The following HEATR4 variants were observed in gnomAD, a reference collection of about 807,000 sequenced individuals.
The protein encoded by HEATR4 is HEAT repeat containing 4, also known as HEAT repeat-containing protein 4.
Under a neutral mutation model 108.8 loss-of-function variants are expected in HEATR4, and 95 were observed. That is an observed-to-expected ratio of 0.87 (90% CI 0.74 to 1.04). The LOEUF is 1.04. Ranked by LOEUF, HEATR4 falls within the 50% of genes least tolerant of loss-of-function variation. HEATR4 has a pLI of 0.00. For synonymous variants in HEATR4, 443 were observed against 459.4 expected, an observed-to-expected ratio of 0.96 and a Z score of 0.46; for missense variants, 1,152 against 1,253.8, an observed-to-expected ratio of 0.92 and a Z score of 1.23.
intron 2 of HEATR4, among the ~76,000 whole-genome samples, chr14:73,528,511 A>G (rs1410780040): frequency 1.3e-5 from 2 of 152,092 alleles, no homozygotes; most frequent in African/African-American, 4.8e-5. Flanking sequence ...AGAACAAAAT[A>G]TTACTAGGTC....
At chr14:73,612,806 G>C in the HEATR4 span, 1 of 1,415,664 alleles carries the variant, frequency 7.1e-7, no homozygotes, top group Non-Finnish European at 9.3e-7. Context: ...CCAGCCCATG[G>C]GGCTGCTGTG....
At chr14:73,569,622 C>G in the HEATR4 span, 3 of 1,600,932 alleles carry the variant, frequency 1.9e-6, no homozygotes, top group African/African-American at 1.3e-5. Context: ...GGAGCGCGCG[C>G]CCGCGCTGGG....
the HEATR4 span, among the ~76,000 whole-genome samples, chr14:73,568,892 C>T: frequency 6.6e-6 from 1 of 151,898 alleles, no homozygotes; most frequent in African/African-American, 2.4e-5. Context: ...AAAGAAAAGC[C>T]CTAAGATTAG....
chr14:73,487,753 AAG>A (rs1885507182), intron 17 of HEATR4, among the ~76,000 whole-genome samples: 1 of 152,312 alleles, frequency 6.6e-6, no homozygotes, highest in South Asian at 2.1e-4. Context: ...ATTCATGTGA[AAG>A]AGTCAAAATT....
At position 73,542,393 on chromosome 14, in the gene HEATR4, T is replaced by C. The variant is rs1424030832; in HGVS notation, c.-151-12149A>G. 2.8e-5 allele frequency among the ~76,000 whole-genome samples: 3 copies of C among 106,794 alleles called. 1 individual carries two copies. Among genetic ancestry groups the C allele is most frequent in the African/African-American group, 6.6e-5 (2 of 30,532 alleles). 70.1% of individuals were successfully genotyped at this position (106,794 alleles called of 152,430 possible). On this transcript the variant is annotated intron_variant, in intron 1 of 17. Coordinates refer to ENST00000553558, the MANE Select transcript of HEATR4 (RefSeq NM_001220484.1). Reference sequence around the variant, plus strand: ...TTATGCAATTTTAAATTCCAGTATGTTTTTTCTTTCTTTTTTTTTTTTTTT... The same window carrying C: ...TTATGCAATTTTAAATTCCAGTATGCTTTTTCTTTCTTTTTTTTTTTTTTT...
the HEATR4 span, among the ~76,000 whole-genome samples, chr14:73,632,843 C>CAAAAA: frequency 2.7e-5 from 3 of 109,118 alleles, no homozygotes; most frequent in African/African-American, 1.1e-4. Context: ...GACCCTGTCT[C>CAAAAA]AAAAAAAAAA....
chr14:73,536,516 TAAAAAAAAAAAAA>T (rs543491523), intron 1 of HEATR4, among the ~76,000 whole-genome samples: 2,876 of 59,354 alleles, frequency 0.048, 844 homozygotes, highest in Non-Finnish European at 0.061. Flanking sequence ...CCTGTCTCTT[TAAAAAAAAAAAAA>T]AAAAAAAAAA....
At chr14:73,591,909 C>T in the HEATR4 span, 1 of 1,343,672 alleles carries the variant, frequency 7.4e-7, no homozygotes, top group Non-Finnish European at 9.6e-7. Context: ...TTGCCACGAT[C>T]TTGGACGGGT....
chr14:73,505,286 G>A (rs1245596730), intron 10 of HEATR4, among the ~76,000 whole-genome samples: 1 of 151,988 alleles, frequency 6.6e-6, no homozygotes, highest in Non-Finnish European at 1.5e-5. Flanking sequence ...TTTTAAAAGG[G>A]TACCTTATAT....
At chr14:73,501,569 CTTTTT>C (rs1204245183) in intron 11 of HEATR4, among the ~76,000 whole-genome samples, 2 of 108,164 alleles carry the variant, frequency 1.8e-5, no homozygotes, top group African/African-American at 7.0e-5. Context: ...GTCTCTCTCT[CTTTTT>C]TTTTTTTTTT....
chr14:73,529,500 G>A (rs942110123), intron 2 of HEATR4, among the ~76,000 whole-genome samples: 1 of 152,062 alleles, frequency 6.6e-6, no homozygotes, highest in African/African-American at 2.4e-5. Context: ...TAGGCTACAT[G>A]CCTCTAGTTA....
chr14:73,558,968 C>T (rs1889455501), upstream of HEATR4: 1 of 151,836 alleles, frequency 6.6e-6, no homozygotes, highest in African/African-American at 2.4e-5. Flanking sequence ...CTATCAGTCT[C>T]CAAGCAACCA....
intron 2 of HEATR4, among the ~76,000 whole-genome samples, chr14:73,526,538 A>T (rs1888347299): frequency 1.3e-5 from 2 of 152,092 alleles, no homozygotes; most frequent in Non-Finnish European, 2.9e-5. Context: ...TACTTGGGGA[A>T]AGGAGAGGGA....
chr14:73,603,480 G>A, the HEATR4 span, among the ~76,000 whole-genome samples: 4 of 151,658 alleles, frequency 2.6e-5, no homozygotes, highest in Non-Finnish European at 5.9e-5. Flanking sequence ...TCAGCCTCCC[G>A]AGTAGCTGGG....
chr14:73,506,370 G>A (rs1303514009), intron 10 of HEATR4, 97 bp downstream of exon 10: 10 of 781,220 alleles, frequency 1.3e-5, no homozygotes, highest in East Asian at 9.9e-5. Context: ...GATCTGTTTG[G>A]TAAGAATGGA....
At chr14:73,632,245 G>C in the HEATR4 span, among the ~76,000 whole-genome samples, 29,283 of 151,768 alleles carry the variant, frequency 0.19, 3,736 homozygotes, top group Non-Finnish European at 0.29. Context: ...CAAAATGCTG[G>C]GATTACAGGC....
intron 2 of HEATR4, among the ~76,000 whole-genome samples, chr14:73,524,310 A>ATATATATATATATAT (rs1555393076): frequency 2.9e-4 from 16 of 54,774 alleles, no homozygotes; most frequent in East Asian, 4.5e-4. Flanking sequence ...AAAAAAAAAA[A>ATATATATATATATAT]ATATATATAT....
chr14:73,489,782 T>G (rs1885600793), intron 17 of HEATR4, among the ~76,000 whole-genome samples: 1 of 152,156 alleles, frequency 6.6e-6, no homozygotes, highest in African/African-American at 2.4e-5. Context: ...AGGGCAGATA[T>G]CAAGAATGCA....
At chr14:73,501,569 C>CT (rs1204245183) in intron 11 of HEATR4, among the ~76,000 whole-genome samples, 1,855 of 108,112 alleles carry the variant, frequency 0.017, 43 homozygotes, top group Middle Eastern at 0.023. Context: ...GTCTCTCTCT[C>CT]TTTTTTTTTT....
Sources: allele counts gnomAD v4.1 joint callset (sites outside exome capture counted in the v4.1 genomes callset), GRCh38; gene constraint gnomAD v4.1.1; transcripts MANE v1.5; gene names NCBI Gene and HGNC (gene_info 2026-07-23, HGNC 2026-07-21).